Variants in HERC1 observed in about 807,000 individuals in gnomAD.
HERC1 encodes the protein HECT and RLD domain containing E3 ubiquitin protein ligase family member 1, also known as probable E3 ubiquitin-protein ligase HERC1.
Under a neutral mutation model 554.3 loss-of-function variants are expected in HERC1, and 160 were observed. The observed-to-expected ratio is 0.29, with a 90% CI of 0.25 to 0.33. The LOEUF is 0.33. HERC1 is among the 10% of genes least tolerant of loss of function. HERC1 has a pLI of 1.00. For missense variants in HERC1, 4,919 were observed against 5,918.5 expected, an observed-to-expected ratio of 0.83 and a Z score of 5.54; for synonymous variants, 2,175 against 2,131.7, an observed-to-expected ratio of 1.02 and a Z score of -0.56.
intron 12 of HERC1, among the ~76,000 whole-genome samples, chr15:63,743,263 C>CTTTTTTTTT (rs71131177): frequency 5.5e-5 from 6 of 109,168 alleles, no homozygotes; most frequent in African/African-American, 1.1e-4. Context: ...TTTTCTTTTT[C>CTTTTTTTTT]TTTTTTTTTT....
At chr15:63,773,524 T>C (rs890416765) in intron 2 of HERC1, among the ~76,000 whole-genome samples, 1 of 151,966 alleles carries the variant, frequency 6.6e-6, no homozygotes, top group African/African-American at 2.4e-5. Flanking sequence ...GTCTTAATAT[T>C]TTAAATTTGT....
intron 39 of HERC1, among the ~76,000 whole-genome samples, chr15:63,672,234 G>A (rs1595938129): frequency 6.6e-6 from 1 of 152,156 alleles, no homozygotes; most frequent in African/African-American, 2.4e-5. Flanking sequence ...ATAAGAGAGA[G>A]AATGTTAGAC....
intron 74 of HERC1, among the ~76,000 whole-genome samples, chr15:63,621,321 C>T (rs2068067396): frequency 6.6e-6 from 1 of 152,076 alleles, no homozygotes. Context: ...GAATATTGGC[C>T]CCCACTCTCT....
chr15:63,743,165 A>G (rs988933261), intron 12 of HERC1, among the ~76,000 whole-genome samples: 1 of 151,388 alleles, frequency 6.6e-6, no homozygotes, highest in African/African-American at 2.4e-5. Context: ...TTGCCCTTTG[A>G]GACTATTTTC....
Position 63,698,746 on chromosome 15 carries a change from C to T in HERC1, c.4887G>A (p.Gln1629=), listed in dbSNP as rs748864010. The change falls in exon 26 of 78, where the codon CAG becomes CAA. Residue 1629 remains glutamine (Q), a synonymous_variant. Coordinates refer to ENST00000443617, the MANE Select transcript of HERC1 (RefSeq NM_003922.4). ...SPQASIIAME[Q]QQLRAELRLE... is the part of the protein sequence containing the mutation. Reference sequence around the variant, plus strand: ...GACTTACTTCTGCCCTTAACTGCTGCTGTTCCATTGCAATGATGGAGGCCT... The same window carrying T: ...GACTTACTTCTGCCCTTAACTGCTGTTGTTCCATTGCAATGATGGAGGCCT... 1 of 1,613,652 alleles carries T rather than the reference C, an allele frequency of 6.2e-7. No individual in the cohort carries two copies. Among genetic ancestry groups the T allele is most frequent in the Non-Finnish European group, 8.5e-7 (1 of 1,179,688 alleles).
At chr15:63,797,375 C>T (rs1175469117) in intron 1 of HERC1, among the ~76,000 whole-genome samples, 2 of 152,148 alleles carry the variant, frequency 1.3e-5, no homozygotes, top group African/African-American at 4.8e-5. Context: ...CTCAATTACT[C>T]TTATAGAGAA....
chr15:63,681,544 G>A (rs137898069), intron 34 of HERC1, among the ~76,000 whole-genome samples: 103 of 152,074 alleles, frequency 6.8e-4, no homozygotes, highest in African/African-American at 2.3e-3. Context: ...CTGGCCTTTG[G>A]CTAGGACCTG....
intron 24 of HERC1, among the ~76,000 whole-genome samples, chr15:63,711,177 T>C (rs1339943828): frequency 6.6e-6 from 1 of 151,976 alleles, no homozygotes; most frequent in Non-Finnish European, 1.5e-5. Flanking sequence ...TTTAAAAAAT[T>C]AGCCAGAAAT....
chr15:63,630,772 C>T (rs2068514250), intron 68 of HERC1, 137 bp from the exon 69 acceptor site: 1 of 776,832 alleles, frequency 1.3e-6, no homozygotes. Flanking sequence ...GCTAAAGCTG[C>T]TATTCTGGAA....
At chr15:63,673,369 T>C (rs971489251) in intron 38 of HERC1, among the ~76,000 whole-genome samples, 1 of 151,358 alleles carries the variant, frequency 6.6e-6, no homozygotes. Context: ...ACCATGTACC[T>C]CTCTCTCTCT....
At position 63,626,071 on chromosome 15, in the gene HERC1, C is replaced by A. The variant is rs2068288241; in HGVS notation, c.13189G>T (p.Val4397Leu). The A allele has an allele frequency of 1.2e-6, 2 of 1,613,672 alleles. No individual in the cohort carries two copies. The highest frequency in any genetic ancestry group is 1.7e-6 in the Non-Finnish European group (2 of 1,179,774). Residue 4397 changes from valine to leucine, a missense_variant, in exon 71 of 78, where the codon GTG becomes TTG. By Grantham distance (32) the Val-to-Leu change is conservative. Transcript: ENST00000443617. ...GALREVSIHT[V>L]RARLRLLYHF... is the part of the protein sequence containing the mutation. ...TAGAGCAGCCGGAGCCTGGCCCGCACCGTGTGAATGCTGACTTCTCTCAGC... is the reference window on the plus strand; with the variant it reads ...TAGAGCAGCCGGAGCCTGGCCCGCAACGTGTGAATGCTGACTTCTCTCAGC...
At chr15:63,788,869 C>T (rs548488302) in intron 1 of HERC1, among the ~76,000 whole-genome samples, 6 of 132,310 alleles carry the variant, frequency 4.5e-5, no homozygotes, top group African/African-American at 1.8e-4. Flanking sequence ...AGCAAGACTC[C>T]GTCTCAAAAA....
Position 63,623,900 on chromosome 15 carries a change from A to C in HERC1, c.13446-10T>G. On this transcript the variant is annotated splice_polypyrimidine_tract_variant and intron_variant, in intron 72 of 77. Transcript: ENST00000443617. Reference sequence around the variant, plus strand: ...CTTACACTTCCGTCCTCTTTAAAAGAAAGGGAGAAAGCAATGAAATACAAC... The same window carrying C: ...CTTACACTTCCGTCCTCTTTAAAAGCAAGGGAGAAAGCAATGAAATACAAC... 1 of 1,612,784 alleles carries C rather than the reference A, an allele frequency of 6.2e-7. No individual in the cohort carries two copies. The highest frequency in any genetic ancestry group is 8.5e-7 in the Non-Finnish European group (1 of 1,179,076).
intron 16 of HERC1, 65 bp downstream of exon 16, chr15:63,729,171 T>G (rs2074169750): frequency 4.2e-6 from 6 of 1,436,176 alleles, no homozygotes; most frequent in Non-Finnish European, 5.6e-6. Flanking sequence ...TCTTAAGACT[T>G]TGGAAAGCCA....
In HERC1 at chr15:63,689,621, T is replaced by G; in HGVS notation, c.6016A>C (p.Ile2006Leu). 6.3e-7 allele frequency: 1 copy of G among 1,575,866 alleles called. No individual in the cohort carries two copies. Among genetic ancestry groups the G allele is most frequent in the South Asian group, 1.2e-5 (1 of 85,552 alleles). The change falls in exon 33 of 78, where the codon ATA (isoleucine) becomes CTA (leucine). Residue 2006 changes from isoleucine (I) to leucine (L), a missense_variant. By Grantham distance (5) the Ile-to-Leu change is conservative (BLOSUM62 2). Coordinates refer to ENST00000443617, the MANE Select transcript of HERC1 (RefSeq NM_003922.4). ...TTTATTTCTTGTTCTTTTTCCTTTA[T>G]CTGAATAGCATGTTTGGCCTGAGCA... ...PIAQAKHAIQ[I>L]KEKEQEIKLQ...
Position 63,698,967 on chromosome 15 carries a change from T to C in HERC1, c.4666A>G (p.Ser1556Gly), listed in dbSNP as rs915244945. ...GPMHSQLESL[S>G]DSWARLKHSR... ...TGTTTCAGGCGAGCCCAAGAGTCAC[T>C]CAGGGATTCCAATTGACTGTGCATA... is the stretch of plus-strand genomic sequence containing the variant. The change falls in exon 26 of 78, where the codon AGT (serine) becomes GGT (glycine). Residue 1556 changes from serine (S) to glycine (G), a missense_variant. Ser to Gly is a moderately conservative substitution (Grantham distance 56, BLOSUM62 0). This residue lies in a region of HERC1 where 1,121 missense variants were observed against 1,244.0 expected (regional missense o/e 0.90). Coordinates refer to ENST00000443617, the MANE Select transcript of HERC1 (RefSeq NM_003922.4). The C allele has an allele frequency of 1.2e-6, 2 of 1,613,326 alleles. No homozygotes were observed. Among genetic ancestry groups the C allele is most frequent in the East Asian group, 4.5e-5 (2 of 44,868 alleles).
chr15:63,725,999 GCAGA>G (rs910345715), intron 17 of HERC1, among the ~76,000 whole-genome samples: 6 of 152,034 alleles, frequency 3.9e-5, no homozygotes, highest in Non-Finnish European at 8.8e-5. Context: ...GTGGAGGGGA[GCAGA>G]CAGAGTCTCG....
Position 63,786,920 on chromosome 15 carries a change from AT to A in HERC1, c.-26-11272del, listed in dbSNP as rs987704951. 4.1e-3 allele frequency among the ~76,000 whole-genome samples: 551 copies of A among 133,606 alleles called. 5 individuals are homozygous for A. Among genetic ancestry groups the A allele is most frequent in the Middle Eastern group, 0.015 (4 of 272 alleles). 87.7% of individuals were successfully genotyped at this position (133,606 alleles called of 152,430 possible). A position where few individuals can be genotyped will look rare whatever the true frequency, so the allele number is the denominator to read the frequency against. On this transcript the variant is annotated intron_variant, in intron 1 of 77. Transcript: ENST00000443617. ...GTGAACTTCAACTCAATAAATTATT[AT>A]TTTTTTTTTTTTTATTTTTTGAGAC...
chr15:63,774,605 CA>C, intron 2 of HERC1, 88 bp downstream of exon 2: 5 of 937,124 alleles, frequency 5.3e-6, no homozygotes, highest in Non-Finnish European at 7.9e-6. Flanking sequence ...AGTCTCAAAT[CA>C]TTCACTATTA....
Sources: allele counts gnomAD v4.1 joint callset (sites outside exome capture counted in the v4.1 genomes callset), GRCh38; gene constraint gnomAD v4.1.1; regional missense constraint gnomAD v4.1.1; transcripts MANE v1.5; gene names NCBI Gene and HGNC (gene_info 2026-07-23, HGNC 2026-07-21).